PTPRT: variants seen among roughly 807,000 people sequenced by gnomAD.
PTPRT encodes the protein protein tyrosine phosphatase receptor type T, also known as receptor-type tyrosine-protein phosphatase T.
PTPRT carries 56 observed loss-of-function variants against 176.8 expected under a neutral mutation model. That is an observed-to-expected ratio of 0.32 (90% confidence interval 0.26 to 0.40). The LOEUF is 0.40. Among genes scored for constraint, PTPRT ranks in the 10% least tolerant of loss-of-function variants. PTPRT has a pLI of 1.00. For synonymous variants in PTPRT, 783 were observed against 739.0 expected (o/e 1.06, Z -0.96); for missense variants, 1,540 against 1,908.2 (o/e 0.81, Z 3.60).
intron 11 of PTPRT, among the ~76,000 whole-genome samples, chr20:42,329,742 G>A (rs1389650527): frequency 1.3e-5 from 2 of 151,866 alleles, no homozygotes; most frequent in African/African-American, 4.8e-5. Context: ...ACTAAAAATA[G>A]GGAAAATTTC....
At chr20:42,930,415 TC>T (rs1979762637) in intron 1 of PTPRT, among the ~76,000 whole-genome samples, 1 of 152,228 alleles carries the variant, frequency 6.6e-6, no homozygotes, top group African/African-American at 2.4e-5. Flanking sequence ...CCAAGCAAGT[TC>T]CCTAAATGCC....
chr20:42,361,253 T>C (rs552161730), intron 9 of PTPRT, among the ~76,000 whole-genome samples: 2 of 152,206 alleles, frequency 1.3e-5, no homozygotes, highest in African/African-American at 4.8e-5. Flanking sequence ...TCAGTAACTA[T>C]GTATTTAATA....
chr20:42,454,601 G>A (rs902686767), intron 8 of PTPRT, among the ~76,000 whole-genome samples: 1 of 152,084 alleles, frequency 6.6e-6, no homozygotes, highest in African/African-American at 2.4e-5. Flanking sequence ...ATCTTTTAAT[G>A]TTTGTTGGAT....
At chr20:42,624,487 A>AT (rs1471798236) in intron 7 of PTPRT, among the ~76,000 whole-genome samples, 3 of 152,026 alleles carry the variant, frequency 2.0e-5, no homozygotes, top group African/African-American at 7.3e-5. Flanking sequence ...ATTGAAAAAA[A>AT]TTAACGATTT....
chr20:42,111,008 T>C (rs1400607939), intron 22 of PTPRT, among the ~76,000 whole-genome samples: 3 of 152,188 alleles, frequency 2.0e-5, no homozygotes, highest in Non-Finnish European at 4.4e-5. Context: ...CTTTATTAAG[T>C]AGATTCTTAC....
chr20:42,934,459 G>C (rs1327490299), intron 1 of PTPRT, among the ~76,000 whole-genome samples: 1 of 152,182 alleles, frequency 6.6e-6, no homozygotes, highest in Non-Finnish European at 1.5e-5. Context: ...CAGGAATCCA[G>C]GCAGAGCTCA....
At chr20:42,650,800 C>A (rs758632012) in intron 7 of PTPRT, among the ~76,000 whole-genome samples, 1 of 152,090 alleles carries the variant, frequency 6.6e-6, no homozygotes, top group African/African-American at 2.4e-5. Context: ...AGGAAAACAA[C>A]CACAGTGGAG....
chr20:42,427,465 C>T (rs1355102927), intron 9 of PTPRT, among the ~76,000 whole-genome samples: 1 of 152,058 alleles, frequency 6.6e-6, no homozygotes, highest in African/African-American at 2.4e-5. Context: ...GATCAAGGTG[C>T]CTGCAGATTC....
chr20:42,479,209 C>G (rs551876665), intron 7 of PTPRT, among the ~76,000 whole-genome samples: 3 of 152,158 alleles, frequency 2.0e-5, no homozygotes, highest in Non-Finnish European at 4.4e-5. Context: ...GAATTTGCTA[C>G]GTATTCATGT....
Position 42,102,304 on chromosome 20 carries a change from G to T in PTPRT, c.3541-7C>A. 6.2e-7 allele frequency: 1 copy of T among 1,612,356 alleles called. No homozygotes were observed. The highest frequency in any genetic ancestry group is 8.5e-7 in the Non-Finnish European group (1 of 1,178,706). ...GTGTCACAATGTTGAGGGTCTGTGG[G>T]GCACAAAGGTGAATAGATAGGCCCT... On this transcript the variant is annotated splice_region_variant and splice_polypyrimidine_tract_variant and intron_variant, in intron 25 of 30. Transcript: ENST00000373187.
chr20:42,174,366 G>A (rs1462526240), intron 16 of PTPRT, among the ~76,000 whole-genome samples: 1 of 152,078 alleles, frequency 6.6e-6, no homozygotes, highest in African/African-American at 2.4e-5. Flanking sequence ...AAATGAGGAA[G>A]GATCTGAGTT....
intron 1 of PTPRT, among the ~76,000 whole-genome samples, chr20:43,165,208 G>C (rs994927722): frequency 2.2e-4 from 33 of 151,248 alleles, no homozygotes; most frequent in African/African-American, 7.8e-4. Context: ...ACCCAGGCTG[G>C]AGTGCAATGG....
rs189100295 is a variant in PTPRT at position 42,736,712 on chromosome 20, G to A, written c.859+19750C>T. The stretch of plus-strand genomic sequence containing the variant: ...AGAGACTATGGCTGGAGAGAGACAC[G>A]GGGTACAATTTATGCCCTTCTGTGG... On this transcript the variant is annotated intron_variant, in intron 6 of 30. Transcript: ENST00000373187. Among the ~76,000 whole-genome samples, 7 of 152,294 alleles carry A rather than the reference G, an allele frequency of 4.6e-5. No individual in the cohort carries two copies. The South Asian group carries it at 6.2e-4, about 14-fold the overall frequency.
At chr20:42,533,307 G>A (rs994852194) in intron 7 of PTPRT, among the ~76,000 whole-genome samples, 1 of 152,166 alleles carries the variant, frequency 6.6e-6, no homozygotes, top group African/African-American at 2.4e-5. Flanking sequence ...GCAGGACTGG[G>A]TAATCAAATG....
chr20:42,318,536 C>T (rs888565570), intron 11 of PTPRT, among the ~76,000 whole-genome samples: 3 of 152,158 alleles, frequency 2.0e-5, no homozygotes, highest in Non-Finnish European at 4.4e-5. Context: ...ACCTCTTGGG[C>T]TCTCCTGCTG....
chr20:43,058,101 G>A (rs1318559115), intron 1 of PTPRT, among the ~76,000 whole-genome samples: 2 of 152,144 alleles, frequency 1.3e-5, no homozygotes, highest in Non-Finnish European at 2.9e-5. Context: ...AGAGAAGCAG[G>A]ACAGGTACAA....
At chr20:43,063,662 A>G (rs1334184155) in intron 1 of PTPRT, 1 of 152,216 alleles carries the variant, frequency 6.6e-6, no homozygotes, top group Non-Finnish European at 1.5e-5. Flanking sequence ...TCCCTTTTGG[A>G]AGAAATTCCT....
chr20:42,216,283 T>C (rs1276469829), intron 15 of PTPRT, among the ~76,000 whole-genome samples: 2 of 152,168 alleles, frequency 1.3e-5, no homozygotes, highest in Non-Finnish European at 2.9e-5. Flanking sequence ...TACAGGGCTA[T>C]TGCCCTGCTA....
chr20:42,930,822 C>T (rs983951865), intron 1 of PTPRT, among the ~76,000 whole-genome samples: 1 of 152,130 alleles, frequency 6.6e-6, no homozygotes, highest in Admixed American at 6.5e-5. Flanking sequence ...TATTATGAAA[C>T]AAAACTTTAT....
Sources: gnomAD v4.1 joint callset for allele counts (sites outside exome capture counted in the v4.1 genomes callset) on GRCh38, gnomAD v4.1.1 for gene constraint, MANE v1.5 for transcripts, NCBI Gene and HGNC (gene_info 2026-07-23, HGNC 2026-07-21) for gene names.